Variants in ADCY7 observed in about 807,000 individuals in gnomAD.
ADCY7 encodes adenylate cyclase 7, also known as adenylate cyclase type 7.
ADCY7 carries 72 observed loss-of-function variants against 120.6 expected under a neutral mutation model. The ratio of observed to expected loss-of-function variants is 0.60; its 90% CI spans 0.49 to 0.73. The LOEUF is 0.73. Ranked by LOEUF, ADCY7 falls within the 30% of genes least tolerant of loss-of-function variation. The pLI is 0.00. For synonymous variants in ADCY7, 661 were observed against 628.0 expected (o/e 1.05, Z -0.78); for missense variants, 1,227 against 1,486.0 (o/e 0.83, Z 2.87).
intron 1 of ADCY7, among the ~76,000 whole-genome samples, chr16:50,260,339 C>T (rs945622617): frequency 7.9e-5 from 12 of 152,160 alleles, no homozygotes; most frequent in Admixed American, 5.2e-4. Flanking sequence ...AGTTCAGGTT[C>T]TTTGAGCTGC....
Position 50,315,430 on chromosome 16 carries a change from C to CA in ADCY7, c.3171dup (p.Gly1058ArgfsTer41), listed in dbSNP as rs1294807463. 1.2e-6 allele frequency: 2 copies of CA among 1,614,160 alleles called. No individual in the cohort carries two copies. The highest frequency in any genetic ancestry group is 8.5e-7 in the Non-Finnish European group (1 of 1,180,006). On this transcript the variant is annotated frameshift_variant, in exon 26 of 26. Coordinates refer to ENST00000673801, the MANE Select transcript of ADCY7 (RefSeq NM_001114.5). LOFTEE classifies it high-confidence loss of function. ...GTGAATGCCGTGGCCTGATCAACGT[C>CA]AAAGGCAAAGGCGAGCTGAGGACTT...
chr16:50,305,106 C>A, intron 12 of ADCY7, 147 bp downstream of exon 12: 3 of 1,038,894 alleles, frequency 2.9e-6, no homozygotes, highest in Non-Finnish European at 4.3e-6. Flanking sequence ...CAAAGCATTT[C>A]TAGGAACCAG....
chr16:50,315,655 A>C lies in ADCY7; in HGVS notation c.*150A>C. The C allele has an allele frequency of 4.2e-6, 4 of 962,878 alleles. No individual in the cohort carries two copies. Among genetic ancestry groups the C allele is most frequent in the Non-Finnish European group, 6.0e-6 (4 of 664,292 alleles). 59.6% of individuals were successfully genotyped at this position (962,878 alleles called of 1,614,324 possible). A position where few individuals can be genotyped will look rare whatever the true frequency, so the allele number is the denominator to read the frequency against. On this transcript the variant is annotated 3_prime_UTR_variant, in exon 26 of 26. Transcript: ENST00000673801. The stretch of plus-strand genomic sequence containing the variant: ...TTGGACCTGCACTGGAGGATTTCTC[A>C]GACACATGCACCAGATTCTGGCTCG...
chr16:50,312,252 G>C, intron 21 of ADCY7, 61 bp downstream of exon 21: 1 of 1,584,682 alleles, frequency 6.3e-7, no homozygotes, highest in Non-Finnish European at 8.6e-7. Context: ...GCAGTCCGTA[G>C]GGTGAAGGTG....
chr16:50,287,683 A>AG (rs2034666294), intron 1 of ADCY7, among the ~76,000 whole-genome samples: 1 of 151,370 alleles, frequency 6.6e-6, no homozygotes, highest in South Asian at 2.1e-4. Flanking sequence ...CTGTCTTGAA[A>AG]AAAAAAAAAA....
intron 1 of ADCY7, among the ~76,000 whole-genome samples, chr16:50,285,981 G>A (rs564101151): frequency 6.6e-5 from 10 of 152,230 alleles, no homozygotes; most frequent in Non-Finnish European, 1.2e-4. Flanking sequence ...CATGGCAAGT[G>A]TGGGGTCAGC....
At chr16:50,268,726 T>C (rs1271093772) in intron 1 of ADCY7, among the ~76,000 whole-genome samples, 1 of 151,726 alleles carries the variant, frequency 6.6e-6, no homozygotes, top group East Asian at 1.9e-4. Flanking sequence ...GAAGTAGAAA[T>C]TGGGCTGGAG....
In ADCY7 at chr16:50,300,372, C is replaced by G. The variant is rs190245431; in HGVS notation, c.1077-343C>G. 5.3e-5 allele frequency among the ~76,000 whole-genome samples: 8 copies of G among 152,310 alleles called. No individual in the cohort carries two copies. The East Asian group carries it at 1.5e-3, about 29-fold the overall frequency. ...CAGGCATGAGCCACCACGCCCGGCCCCCAGTAAACTTTTAAAACCCAGCCG... is the reference window on the plus strand; with the variant it reads ...CAGGCATGAGCCACCACGCCCGGCCGCCAGTAAACTTTTAAAACCCAGCCG... On this transcript the variant is annotated intron_variant, in intron 8 of 25. Transcript: ENST00000673801.
At chr16:50,277,696 A>C (rs1244751081) in intron 1 of ADCY7, among the ~76,000 whole-genome samples, 1 of 98,146 alleles carries the variant, frequency 1.0e-5, no homozygotes, top group Non-Finnish European at 1.9e-5. Flanking sequence ...TTTGAGGCGG[A>C]GTCTTGCTCT....
Position 50,291,768 on chromosome 16 carries a change from G to A in ADCY7, c.408G>A (p.Val136=), listed in dbSNP as rs375385725. The part of the protein sequence containing the change: ...VPFFLFIVFV[V]YTLLPFSMRG... ...TCTTCCTGTTCATTGTCTTCGTGGTGTACACACTACTGCCCTTCAGCATGC... is the reference window on the plus strand; with the variant it reads ...TCTTCCTGTTCATTGTCTTCGTGGTATACACACTACTGCCCTTCAGCATGC... Residue 136 remains valine, a synonymous_variant, in exon 4 of 26, where the codon GTG becomes GTA. Transcript: ENST00000673801. The A allele has an allele frequency of 6.2e-7, 1 of 1,614,150 alleles. No homozygotes were observed.
At chr16:50,293,610 A>G (rs1003820971) in intron 6 of ADCY7, 108 bp downstream of exon 6, 2 of 1,377,644 alleles carry the variant, frequency 1.5e-6, no homozygotes, top group Middle Eastern at 2.4e-4. Flanking sequence ...CCCTGCCCAT[A>G]TAGGGATTGG....
upstream of ADCY7, among the ~76,000 whole-genome samples, chr16:50,244,756 C>A (rs371421394): frequency 6.6e-6 from 1 of 152,228 alleles, no homozygotes; most frequent in Admixed American, 6.5e-5. Context: ...CAGATCTTCC[C>A]GGGTGAGCCC....
At chr16:50,267,203 C>T (rs1028748558) in intron 1 of ADCY7, among the ~76,000 whole-genome samples, 2 of 152,256 alleles carry the variant, frequency 1.3e-5, no homozygotes, top group African/African-American at 4.8e-5. Flanking sequence ...TTCCCTTTCC[C>T]TGCAATGCCT....
At chr16:50,246,643 G>T (rs776828078) in intron 1 of ADCY7, among the ~76,000 whole-genome samples, 36 of 152,200 alleles carry the variant, frequency 2.4e-4, no homozygotes, top group Non-Finnish European at 2.8e-4. Context: ...GCAGGACCGG[G>T]CTGTGGGTCT....
At chr16:50,290,927 A>G (rs1278436557) in intron 3 of ADCY7, among the ~76,000 whole-genome samples, 2 of 152,194 alleles carry the variant, frequency 1.3e-5, no homozygotes, top group Non-Finnish European at 2.9e-5. Context: ...AAAAGGCACA[A>G]ACTGGTTCCT....
intron 1 of ADCY7, among the ~76,000 whole-genome samples, chr16:50,249,731 C>G (rs1456234984): frequency 6.6e-6 from 1 of 152,248 alleles, no homozygotes; most frequent in African/African-American, 2.4e-5. Context: ...CATTCTTTCT[C>G]TGGAAATGGC....
chr16:50,275,284 G>A (rs2033814935), intron 1 of ADCY7, among the ~76,000 whole-genome samples: 1 of 152,220 alleles, frequency 6.6e-6, no homozygotes. Flanking sequence ...ACCTTCTTGT[G>A]CGCAGCTAGC....
intron 1 of ADCY7, among the ~76,000 whole-genome samples, chr16:50,251,688 G>A (rs748986872): frequency 1.4e-4 from 21 of 152,220 alleles, no homozygotes; most frequent in Non-Finnish European, 2.4e-4. Context: ...GTGGAAGCTC[G>A]GCAGGGTGGC....
At chr16:50,271,234 C>T (rs531366923) in intron 1 of ADCY7, among the ~76,000 whole-genome samples, 3 of 152,250 alleles carry the variant, frequency 2.0e-5, no homozygotes, top group South Asian at 2.1e-4. Context: ...GCTTTCCTGC[C>T]GCCACCAGCT....
Sources: allele counts gnomAD v4.1 joint callset (sites outside exome capture counted in the v4.1 genomes callset), GRCh38; gene constraint gnomAD v4.1.1; transcripts MANE v1.5; gene names NCBI Gene and HGNC (gene_info 2026-07-23, HGNC 2026-07-21).